The following EPG5 variants were observed in gnomAD, a reference collection of about 807,000 sequenced individuals.
EPG5 encodes the protein ectopic P-granules 5 autophagy tethering factor.
A neutral mutation model predicts 302.7 loss-of-function variants in EPG5; 159 were observed. The observed-to-expected ratio is 0.53, with a 90% confidence interval of 0.46 to 0.60. EPG5 has a LOEUF of 0.60. EPG5 is among the 20% of genes least tolerant of loss of function. EPG5 has a pLI of 0.00. For missense variants in EPG5, 2,896 were observed against 3,092.4 expected (o/e 0.94, Z 1.51); for synonymous variants, 1,158 against 1,136.8 (o/e 1.02, Z -0.37).
intron 34 of EPG5, among the ~76,000 whole-genome samples, chr18:45,876,960 T>C (rs1243901640): frequency 2.0e-5 from 3 of 152,108 alleles, no homozygotes; most frequent in Non-Finnish European, 1.5e-5. Context: ...ATTTTTGTAT[T>C]TTTAGCAGAG....
chr18:45,827,581 G>T, the EPG5 span, among the ~76,000 whole-genome samples: 1 of 152,314 alleles, frequency 6.6e-6, no homozygotes, highest in East Asian at 1.9e-4. Context: ...CTGGCTGCAT[G>T]GCCTTGGGCA....
chr18:45,887,441 C>T (rs917996449), intron 29 of EPG5, among the ~76,000 whole-genome samples: 2 of 152,158 alleles, frequency 1.3e-5, no homozygotes, highest in South Asian at 2.1e-4. Flanking sequence ...ATTAAACAAA[C>T]TGGGAAGTAT....
chr18:45,913,352 ATAACCTC>A (rs1355042534), intron 21 of EPG5, among the ~76,000 whole-genome samples: 1 of 152,168 alleles, frequency 6.6e-6, no homozygotes, highest in Non-Finnish European at 1.5e-5. Context: ...GTTTCAAAAA[ATAACCTC>A]CTTGTCCCAC....
intron 26 of EPG5, among the ~76,000 whole-genome samples, chr18:45,899,962 C>T (rs1341442386): frequency 2.0e-5 from 3 of 152,128 alleles, no homozygotes; most frequent in Non-Finnish European, 4.4e-5. Flanking sequence ...TGTCAAAGAC[C>T]AAGAAAGCTA....
intron 8 of EPG5, 81 bp downstream of exon 8, chr18:45,943,924 A>C: frequency 2.1e-6 from 2 of 932,388 alleles, no homozygotes; most frequent in Non-Finnish European, 3.4e-6. Context: ...CCATCTCAAA[A>C]AAAAAAAGAA....
the EPG5 span, among the ~76,000 whole-genome samples, chr18:45,807,072 A>C: frequency 6.6e-6 from 1 of 152,178 alleles, no homozygotes; most frequent in African/African-American, 2.4e-5. Context: ...CCTTCGGATT[A>C]TGTGGGAGCT....
intron 24 of EPG5, among the ~76,000 whole-genome samples, chr18:45,906,010 T>C (rs1188803346): frequency 6.6e-6 from 1 of 152,208 alleles, no homozygotes; most frequent in East Asian, 1.9e-4. Flanking sequence ...AATGCTGTTA[T>C]CTCTCAATGT....
chr18:45,853,195 G>A (rs1455904853), intron 43 of EPG5, among the ~76,000 whole-genome samples: 2 of 152,214 alleles, frequency 1.3e-5, no homozygotes, highest in African/African-American at 4.8e-5. Flanking sequence ...GAATTCTAGA[G>A]GAACCAGTTG....
chr18:45,840,249 A>G, the EPG5 span: 1 of 1,610,924 alleles, frequency 6.2e-7, no homozygotes, highest in Non-Finnish European at 8.5e-7. Flanking sequence ...ACGGTAAGTG[A>G]GCTCCCCGCC....
Position 45,850,830 on chromosome 18 carries a change from C to T in EPG5, c.*1637G>A, listed in dbSNP as rs2048413735. On this transcript the variant is annotated 3_prime_UTR_variant, in exon 44 of 44. Coordinates refer to ENST00000282041, the MANE Select transcript of EPG5 (RefSeq NM_020964.3). ...TATTTCCAAACAAAAATCGCTGTTGCCAGATCAGACTATTAAATTGTCCAC... is the reference window on the plus strand; with the variant it reads ...TATTTCCAAACAAAAATCGCTGTTGTCAGATCAGACTATTAAATTGTCCAC... 2 of 152,706 alleles carry T rather than the reference C, an allele frequency of 1.3e-5. No homozygotes were observed. Among genetic ancestry groups the T allele is most frequent in the South Asian group, 2.1e-4 (1 of 4,820 alleles). 9.5% of individuals were successfully genotyped at this position (152,706 alleles called of 1,614,324 possible).
chr18:45,824,682 A>G, the EPG5 span, among the ~76,000 whole-genome samples: 1 of 152,186 alleles, frequency 6.6e-6, no homozygotes, highest in African/African-American at 2.4e-5. Context: ...AACAGAACAC[A>G]GGACTGGCTG....
chr18:45,961,894 C>T (rs1464266792), intron 1 of EPG5, among the ~76,000 whole-genome samples: 1 of 151,130 alleles, frequency 6.6e-6, no homozygotes, highest in Non-Finnish European at 1.5e-5. Context: ...GACCACCCAT[C>T]CTAACCTCTC....
intron 2 of EPG5, chr18:45,953,689 G>A (rs1568186361): frequency 3.0e-6 from 3 of 985,300 alleles, no homozygotes; most frequent in Non-Finnish European, 3.6e-6. Context: ...TCCTTTGGGG[G>A]CTCTGTGTTA....
At position 45,847,703 on chromosome 18, in the gene EPG5, G is replaced by A. The variant is rs1207216262; in HGVS notation, c.*4764C>T. 6.6e-6 allele frequency: 1 copy of A among 152,374 alleles called. No individual in the cohort carries two copies. The highest frequency in any genetic ancestry group is 2.4e-5 in the African/African-American group (1 of 41,352). 9.4% of individuals were successfully genotyped at this position (152,374 alleles called of 1,614,324 possible). A position where few individuals can be genotyped will look rare whatever the true frequency, so the allele number is the denominator to read the frequency against. ...ACCATTATATAAAAACTTACCCTTT[G>A]TACAAGTATGAAAAATGTGGAACAA... On this transcript the variant is annotated 3_prime_UTR_variant, in exon 44 of 44. Transcript: ENST00000282041.
the EPG5 span, among the ~76,000 whole-genome samples, chr18:45,838,153 A>G: frequency 6.6e-6 from 1 of 152,222 alleles, no homozygotes; most frequent in Non-Finnish European, 1.5e-5. Context: ...TCGTAGAGTG[A>G]CTGTCCCCAG....
Position 45,917,721 on chromosome 18 carries a change from G to A in EPG5, c.3197C>T (p.Pro1066Leu), listed in dbSNP as rs1216538532. ...TVVHVLDKIL[P>L]LFYPCQYYLL... The stretch of plus-strand genomic sequence containing the variant: ...GTAATACTGGCAAGGGTAAAATAAA[G>A]GCAGAATCTTATCCAGGACATGAAC... The change falls in exon 17 of 44, where the codon CCT (proline) becomes CTT (leucine). Residue 1066 changes from proline (P) to leucine (L), a missense_variant. This residue lies in a region of EPG5 where 1,390 missense variants were observed against 1,430.0 expected (regional missense o/e 0.97). Transcript: ENST00000282041. The A allele has an allele frequency of 6.2e-7, 1 of 1,614,092 alleles. No individual in the cohort carries two copies. Among genetic ancestry groups the A allele is most frequent in the East Asian group, 2.2e-5 (1 of 44,862 alleles).
intron 7 of EPG5, among the ~76,000 whole-genome samples, chr18:45,946,143 T>C (rs1012613236): frequency 1.3e-5 from 2 of 152,230 alleles, no homozygotes; most frequent in Admixed American, 6.5e-5. Flanking sequence ...AGCTGGATTT[T>C]GATCATTAAA....
intron 38 of EPG5, among the ~76,000 whole-genome samples, chr18:45,866,116 C>G (rs923071356): frequency 6.9e-6 from 1 of 145,926 alleles, no homozygotes; most frequent in African/African-American, 2.6e-5. Context: ...AGACAAGGTA[C>G]TATTTCTTTT....
At chr18:45,871,488 C>T (rs1568108252) in intron 35 of EPG5, among the ~76,000 whole-genome samples, 1 of 152,222 alleles carries the variant, frequency 6.6e-6, no homozygotes, top group Non-Finnish European at 1.5e-5. Context: ...CCCATGTTCA[C>T]TGCAGCATTA....
Sources: allele counts gnomAD v4.1 joint callset (sites outside exome capture counted in the v4.1 genomes callset), GRCh38; gene constraint gnomAD v4.1.1; regional missense constraint gnomAD v4.1.1; transcripts MANE v1.5; gene names NCBI Gene and HGNC (gene_info 2026-07-23, HGNC 2026-07-21).